OSBPL8: variants seen among roughly 807,000 people sequenced by gnomAD.
OSBPL8 encodes oxysterol binding protein like 8, also known as oxysterol-binding protein-related protein 8.
OSBPL8 carries 59 observed loss-of-function variants against 125.5 expected under a neutral mutation model. The observed-to-expected ratio is 0.47, with a 90% CI of 0.38 to 0.58. The LOEUF is 0.58. Among genes scored for constraint, OSBPL8 ranks in the 20% least tolerant of loss-of-function variants. The probability of loss-of-function intolerance (pLI) is 0.00; values close to 1 mark genes in which losing one functional copy is unlikely to be tolerated. For synonymous variants in OSBPL8, 330 were observed against 338.9 expected (o/e 0.97, Z 0.29); for missense variants, 758 against 1,047.8 (o/e 0.72, Z 3.82).
At chr12:76,484,699 T>C (rs1170281909) in intron 2 of OSBPL8, among the ~76,000 whole-genome samples, 1 of 152,182 alleles carries the variant, frequency 6.6e-6, no homozygotes, top group African/African-American at 2.4e-5. Flanking sequence ...CATGTTCTGA[T>C]CCACTTCTCC....
chr12:76,446,463 A>C (rs1872730448), intron 4 of OSBPL8, among the ~76,000 whole-genome samples: 1 of 152,128 alleles, frequency 6.6e-6, no homozygotes, highest in African/African-American at 2.4e-5. Flanking sequence ...ATTTACTCTA[A>C]AAATATTAAT....
intron 1 of OSBPL8, among the ~76,000 whole-genome samples, chr12:76,509,471 C>A (rs761822454): frequency 1.6e-4 from 24 of 152,132 alleles, no homozygotes; most frequent in Admixed American, 3.3e-4. Flanking sequence ...CCTATTCATA[C>A]GTACTTTGAA....
chr12:76,406,420 A>C (rs1954263828), intron 5 of OSBPL8, among the ~76,000 whole-genome samples: 1 of 152,226 alleles, frequency 6.6e-6, no homozygotes. Flanking sequence ...ATGTGAGCTC[A>C]AAAACTCCTT....
At chr12:76,500,184 T>C (rs1000291049) in intron 1 of OSBPL8, among the ~76,000 whole-genome samples, 3 of 152,262 alleles carry the variant, frequency 2.0e-5, no homozygotes, top group Non-Finnish European at 4.4e-5. Flanking sequence ...GTAACAATTA[T>C]TTTGCTTATA....
At chr12:76,557,845 G>A (rs7295967) in intron 1 of OSBPL8, among the ~76,000 whole-genome samples, 120,974 of 152,132 alleles carry the variant, frequency 0.8, 48,339 homozygotes, top group East Asian at 0.92. Flanking sequence ...TTAAAATGCA[G>A]TAACATTCTA....
intron 1 of OSBPL8, among the ~76,000 whole-genome samples, chr12:76,540,683 TAAA>T (rs879331519): frequency 7.0e-6 from 1 of 143,038 alleles, no homozygotes; most frequent in Admixed American, 7.1e-5. Flanking sequence ...ATTTTTTCTT[TAAA>T]AAAAAAAAAA....
intron 1 of OSBPL8, among the ~76,000 whole-genome samples, chr12:76,506,990 AT>A (rs1015079724): frequency 6.7e-6 from 1 of 148,938 alleles, no homozygotes; most frequent in African/African-American, 2.6e-5. Flanking sequence ...GCTTCTGTTA[AT>A]TTTTTAAAAG....
At chr12:76,397,201 A>AT (rs1246044893) in intron 8 of OSBPL8, among the ~76,000 whole-genome samples, 30 of 22,374 alleles carry the variant, frequency 1.3e-3, no homozygotes, top group Non-Finnish European at 3.4e-3. Context: ...AATTAAAAAA[A>AT]ATTTTTTTTT....
intron 21 of OSBPL8, among the ~76,000 whole-genome samples, chr12:76,363,829 C>T (rs1218658890): frequency 6.6e-6 from 1 of 151,962 alleles, no homozygotes; most frequent in Admixed American, 6.6e-5. Context: ...ACAACCCCAT[C>T]AAAAAGTGGG....
chr12:76,527,354 T>C, intron 1 of OSBPL8, among the ~76,000 whole-genome samples: 1 of 152,210 alleles, frequency 6.6e-6, no homozygotes, highest in East Asian at 1.9e-4. Context: ...TTAAAACCCT[T>C]TGATCCTACC....
chr12:76,548,699 T>G (rs1950852824), intron 1 of OSBPL8, among the ~76,000 whole-genome samples: 2 of 152,144 alleles, frequency 1.3e-5, no homozygotes, highest in South Asian at 4.1e-4. Context: ...AGACAGATCC[T>G]ACTCTGTACT....
At chr12:76,419,081 C>T (rs758622941) in intron 4 of OSBPL8, among the ~76,000 whole-genome samples, 1 of 151,854 alleles carries the variant, frequency 6.6e-6, no homozygotes, top group African/African-American at 2.4e-5. Flanking sequence ...ACTAAAAATA[C>T]AAAAATTAGC....
At chr12:76,400,451 CA>C (rs1468816956) in intron 6 of OSBPL8, among the ~76,000 whole-genome samples, 2 of 152,174 alleles carry the variant, frequency 1.3e-5, no homozygotes, top group African/African-American at 2.4e-5. Context: ...AACAGTGCTG[CA>C]ATGAACATAT....
chr12:76,394,266 TA>T (rs952583934), intron 9 of OSBPL8, among the ~76,000 whole-genome samples: 29 of 150,340 alleles, frequency 1.9e-4, no homozygotes, highest in African/African-American at 4.6e-4. Context: ...ATCTCTTACA[TA>T]AAAAAAAACA....
At chr12:76,525,144 T>TATAC (rs1950136774) in intron 1 of OSBPL8, among the ~76,000 whole-genome samples, 1 of 152,202 alleles carries the variant, frequency 6.6e-6, no homozygotes, top group African/African-American at 2.4e-5. Flanking sequence ...ACCACTGAGG[T>TATAC]GTATAGACCT....
chr12:76,378,527 C>A lies in OSBPL8; in HGVS notation c.1654G>T (p.Glu552Ter). The change falls in exon 16 of 24, where the codon GAG becomes TAG. Residue 552 changes from glutamate (E) to a stop codon, truncating the protein, a stop_gained. Transcript: ENST00000261183. LOFTEE classifies it high-confidence loss of function. ...AAGAAAGTTAACCGTGCTTCTCCCT[C>A]TAATATTGCAGATAATGAGTTTCCT... ...FYGNSLSAILEGEARLTFLNR... is the reference protein window; with the variant it reads ...FYGNSLSAIL The A allele has an allele frequency of 1.2e-6, 2 of 1,602,914 alleles. No homozygotes were observed. The highest frequency in any genetic ancestry group is 1.7e-6 in the Non-Finnish European group (2 of 1,171,870).
Position 76,386,146 on chromosome 12 carries a change from TC to T in OSBPL8, c.1533+21del, listed in dbSNP as rs780764387. On this transcript the variant is annotated intron_variant, in intron 14 of 23. Transcript: ENST00000261183. ...CAATAACTTCCAGATCAGTTTTGTT[TC>T]CATACATGCATTTCTAATACCTGTT... The T allele has an allele frequency of 3.3e-5, 53 of 1,597,628 alleles. No individual in the cohort carries two copies. In the South Asian group the frequency reaches 6.0e-4, roughly 18 times the overall value.
intron 1 of OSBPL8, among the ~76,000 whole-genome samples, chr12:76,555,612 A>T (rs1951070425): frequency 6.6e-6 from 1 of 152,240 alleles, no homozygotes; most frequent in Non-Finnish European, 1.5e-5. Flanking sequence ...TGAGGTATGC[A>T]CTTTCACATG....
intron 5 of OSBPL8, among the ~76,000 whole-genome samples, chr12:76,403,773 A>G (rs930106064): frequency 1.3e-5 from 2 of 152,200 alleles, no homozygotes; most frequent in Non-Finnish European, 2.9e-5. Flanking sequence ...GATGTGCATA[A>G]TACCACTAGA....
Sources: allele counts gnomAD v4.1 joint callset (sites outside exome capture counted in the v4.1 genomes callset), GRCh38; gene constraint gnomAD v4.1.1; transcripts MANE v1.5; gene names NCBI Gene and HGNC (gene_info 2026-07-23, HGNC 2026-07-21).